The following AFAP1 variants were observed in gnomAD, a reference collection of about 807,000 sequenced individuals.
AFAP1 encodes actin filament-associated protein 1.
A neutral mutation model predicts 93.9 loss-of-function variants in AFAP1; 75 were observed. The observed-to-expected ratio is 0.80, with a 90% CI of 0.66 to 0.97. AFAP1 has a LOEUF of 0.97. Among genes scored for constraint, AFAP1 ranks in the 50% least tolerant of loss-of-function variants. AFAP1 has a pLI of 0.00. For synonymous variants in AFAP1, 517 were observed against 430.7 expected (o/e 1.20, Z -2.48); for missense variants, 1,201 against 1,050.8 (o/e 1.14, Z -1.98).
In AFAP1 at chr4:7,800,656, G is replaced by T; in HGVS notation, c.1055-3C>A. On this transcript the variant is annotated splice_region_variant and splice_polypyrimidine_tract_variant and intron_variant, in intron 9 of 17. Coordinates refer to ENST00000420658, the MANE Select transcript of AFAP1 (RefSeq NM_001134647.2). The stretch of plus-strand genomic sequence containing the variant: ...GTTGGAGAGCACGTTCAGATAGCCT[G>T]CGGAGACACAAGGCCACAGGTCAGC... The T allele has an allele frequency of 6.2e-7, 1 of 1,614,186 alleles. No individual in the cohort carries two copies. The highest frequency in any genetic ancestry group is 8.5e-7 in the Non-Finnish European group (1 of 1,180,026).
rs566950802 is a variant in AFAP1, at chr4:7,759,971, G to A, written c.*3794C>T. ...ACCTCACCTGGGTGGCAAAGTCTGT[G>A]GGCAAAATTTACATCCCCCCAAATA... On this transcript the variant is annotated 3_prime_UTR_variant, in exon 18 of 18. Coordinates refer to ENST00000420658, the MANE Select transcript of AFAP1 (RefSeq NM_001134647.2). 2.6e-5 allele frequency: 4 copies of A among 152,334 alleles called. No homozygotes were observed. The East Asian group carries it at 7.7e-4, about 29-fold the overall frequency. 9.4% of individuals were successfully genotyped at this position (152,334 alleles called of 1,614,324 possible). A position where few individuals can be genotyped will look rare whatever the true frequency, so the allele number is the denominator to read the frequency against.
rs562226488 is a variant in AFAP1, at chr4:7,914,158, G to A, written c.-3+25498C>T. 1.2e-3 allele frequency among the ~76,000 whole-genome samples: 180 copies of A among 151,790 alleles called. 1 individual carries two copies. The highest frequency in any genetic ancestry group is 3.9e-3 in the African/African-American group (162 of 41,382). On this transcript the variant is annotated intron_variant, in intron 1 of 17. Transcript: ENST00000420658. The stretch of plus-strand genomic sequence containing the variant: ...CAACCTCTGCTTCCCAGGTTCAAGC[G>A]ATTCTCCTGCCTCAGCTTCCCTGGT...
At chr4:7,926,075 G>A (rs1425088720) in intron 1 of AFAP1, among the ~76,000 whole-genome samples, 2 of 152,166 alleles carry the variant, frequency 1.3e-5, no homozygotes, top group African/African-American at 2.4e-5. Context: ...CGAGAAAAAG[G>A]CTGTTGATCC....
At chr4:7,775,120 G>A in intron 14 of AFAP1, 2 of 524,054 alleles carry the variant, frequency 3.8e-6, no homozygotes, top group South Asian at 3.2e-5. Flanking sequence ...CAGCCTGGAT[G>A]ACAGTGAGAC....
At chr4:7,928,903 A>C (rs569597735) in intron 1 of AFAP1, among the ~76,000 whole-genome samples, 1 of 152,376 alleles carries the variant, frequency 6.6e-6, no homozygotes, top group Non-Finnish European at 1.5e-5. Flanking sequence ...AGTCAGTGGC[A>C]GAGCCAGCAT....
chr4:7,886,991 C>T (rs1488394673), intron 1 of AFAP1, among the ~76,000 whole-genome samples: 1 of 152,124 alleles, frequency 6.6e-6, no homozygotes, highest in African/African-American at 2.4e-5. Context: ...GGGCTCACAA[C>T]CTAGAACAGC....
intron 5 of AFAP1, among the ~76,000 whole-genome samples, chr4:7,841,154 C>T (rs1466605279): frequency 6.6e-6 from 1 of 152,192 alleles, no homozygotes; most frequent in East Asian, 1.9e-4. Context: ...GAATGGGCGT[C>T]CTGAAGACAA....
rs1158765422 is a variant in AFAP1 at position 7,873,342 on chromosome 4, C to CTTTTTTTTTTTTTTTTTTTTT, written c.-2-1283_-2-1263dup. On this transcript the variant is annotated intron_variant, in intron 1 of 17. Coordinates refer to ENST00000420658, the MANE Select transcript of AFAP1 (RefSeq NM_001134647.2). ...TTAAATCTAACCTTTGAAGACACAC[C>CTTTTTTTTTTTTTTTTTTTTT]TTTTTTTTTTTTTTTTTTTTTTTTT... is the stretch of plus-strand genomic sequence containing the variant. Among the ~76,000 whole-genome samples, 2 of 50,998 alleles carry CTTTTTTTTTTTTTTTTTTTTT rather than the reference C, an allele frequency of 3.9e-5. 1 individual carries two copies. Among genetic ancestry groups the CTTTTTTTTTTTTTTTTTTTTT allele is most frequent in the African/African-American group, 1.4e-4 (2 of 13,796 alleles). 33.5% of individuals were successfully genotyped at this position (50,998 alleles called of 152,430 possible).
At chr4:7,861,016 C>T (rs1715619575) in intron 3 of AFAP1, among the ~76,000 whole-genome samples, 1 of 152,206 alleles carries the variant, frequency 6.6e-6, no homozygotes, top group African/African-American at 2.4e-5. Context: ...TTGCTTAGTC[C>T]TTTCCAGGGA....
At chr4:7,790,704 G>C (rs11931914) in intron 11 of AFAP1, among the ~76,000 whole-genome samples, 11,252 of 149,812 alleles carry the variant, frequency 0.075, 543 homozygotes, top group Middle Eastern at 0.12. Flanking sequence ...AGTACTTAAA[G>C]AATTGGAGAA....
intron 1 of AFAP1, among the ~76,000 whole-genome samples, chr4:7,878,408 C>T (rs1451189211): frequency 1.3e-5 from 2 of 152,206 alleles, no homozygotes; most frequent in Non-Finnish European, 2.9e-5. Context: ...TGGCCTTCCC[C>T]TTATACCACC....
At position 7,846,546 on chromosome 4, in the gene AFAP1, C is replaced by T. The variant is rs553866414; in HGVS notation, c.335-3196G>A. Among the ~76,000 whole-genome samples, 6 of 152,306 alleles carry T rather than the reference C, an allele frequency of 3.9e-5. 1 individual carries two copies. In the South Asian group the frequency reaches 1.0e-3, roughly 26 times the overall value. On this transcript the variant is annotated intron_variant, in intron 4 of 17. Coordinates refer to ENST00000420658, the MANE Select transcript of AFAP1 (RefSeq NM_001134647.2). ...ACCACACAGCCCTCAGGGCTCGGCC[C>T]ACTTGCTGGAACATCAAGTTCAGTA...
intron 1 of AFAP1, among the ~76,000 whole-genome samples, chr4:7,882,766 G>A (rs1717925177): frequency 6.6e-6 from 1 of 152,176 alleles, no homozygotes; most frequent in Non-Finnish European, 1.5e-5. Flanking sequence ...GGCTGAGGCA[G>A]GAGAATCGCT....
intron 16 of AFAP1, among the ~76,000 whole-genome samples, chr4:7,771,831 C>T (rs531394666): frequency 1.5e-4 from 23 of 152,038 alleles, no homozygotes; most frequent in African/African-American, 4.6e-4. Context: ...TGGAGGTGAT[C>T]GCTGGGGTGC....
At chr4:7,928,537 A>ATG (rs1560240921) in intron 1 of AFAP1, among the ~76,000 whole-genome samples, 6 of 151,270 alleles carry the variant, frequency 4.0e-5, no homozygotes, top group Admixed American at 6.6e-5. Context: ...ACAGGCACGC[A>ATG]CCACCACACC....
chr4:7,846,669 T>C (rs1713739539), intron 4 of AFAP1, among the ~76,000 whole-genome samples: 1 of 152,224 alleles, frequency 6.6e-6, no homozygotes, highest in Non-Finnish European at 1.5e-5. Context: ...CTCTACTCTA[T>C]GCCAGGCACT....
chr4:7,854,359 G>C (rs1714799108), intron 4 of AFAP1, among the ~76,000 whole-genome samples: 1 of 152,216 alleles, frequency 6.6e-6, no homozygotes, highest in African/African-American at 2.4e-5. Context: ...TGAGGAGACA[G>C]GCAAGCGGGA....
At chr4:7,872,714 CT>C (rs1717151437) in intron 1 of AFAP1, among the ~76,000 whole-genome samples, 2 of 152,222 alleles carry the variant, frequency 1.3e-5, no homozygotes, top group African/African-American at 4.8e-5. Flanking sequence ...TGATCTTAGC[CT>C]CTGGGGATGT....
chr4:7,926,267 G>C (rs1720730260), intron 1 of AFAP1, among the ~76,000 whole-genome samples: 2 of 152,184 alleles, frequency 1.3e-5, no homozygotes, highest in South Asian at 4.1e-4. Context: ...TATTTTAGCA[G>C]ACTTACATGT....
Sources: gnomAD v4.1 joint callset for allele counts (sites outside exome capture counted in the v4.1 genomes callset) on GRCh38, gnomAD v4.1.1 for gene constraint, MANE v1.5 for transcripts, NCBI Gene and HGNC (gene_info 2026-07-23, HGNC 2026-07-21) for gene names.